Variants in GEM observed in about 807,000 individuals in gnomAD.
GEM encodes GTP binding protein overexpressed in skeletal muscle, also known as GTP-binding protein GEM.
Under a neutral mutation model 33.0 loss-of-function variants are expected in GEM, and 31 were observed. That is an observed-to-expected ratio of 0.94 (90% CI 0.71 to 1.27). The LOEUF (loss-of-function observed/expected upper bound fraction) is 1.27. Ranked by LOEUF, GEM falls within the 50% of genes most tolerant of loss-of-function variation. The probability of loss-of-function intolerance (pLI) is 0.00; values close to 1 mark genes in which losing one functional copy is unlikely to be tolerated. For missense variants in GEM, 354 were observed against 390.5 expected (o/e 0.91, Z 0.79); for synonymous variants, 141 against 143.7 (o/e 0.98, Z 0.13).
chr8:94,260,969 A>G (rs1809009567), intron 1 of GEM, among the ~76,000 whole-genome samples: 1 of 152,184 alleles, frequency 6.6e-6, no homozygotes. Flanking sequence ...TAATTGCACC[A>G]GTGTCCAGCA....
chr8:94,255,998 G>A (rs116709586), intron 2 of GEM, among the ~76,000 whole-genome samples: 382 of 152,158 alleles, frequency 2.5e-3, no homozygotes, highest in African/African-American at 8.5e-3. Flanking sequence ...TTCTCTACCC[G>A]GCCTCTCCCT....
At chr8:94,250,721 G>C in intron 4 of GEM, 134 bp from the exon 5 acceptor site, 1 of 616,406 alleles carries the variant, frequency 1.6e-6, no homozygotes, top group Non-Finnish European at 2.7e-6. Context: ...GCTGCGGCAT[G>C]GGCCCTCCCA....
intron 1 of GEM, among the ~76,000 whole-genome samples, chr8:94,261,796 A>G (rs1321948883): frequency 6.6e-6 from 1 of 152,076 alleles, no homozygotes; most frequent in East Asian, 1.9e-4. Flanking sequence ...GATAAAGTAT[A>G]AGTACTTACG....
rs746095122 is a variant in GEM, at chr8:94,250,486, C to T, written c.715G>A (p.Val239Met). 2 of 1,614,240 alleles carry T rather than the reference C, an allele frequency of 1.2e-6. No individual in the cohort carries two copies. The highest frequency in any genetic ancestry group is 1.7e-6 in the Non-Finnish European group (2 of 1,180,030). ...KELFEGIVRQ[V>M]RLRRDSKEKN... ...TCCTTGCTGTCCCGCCGAAGGCGCA[C>T]CTGTCGCACAATGCCCTCAAACAGC... is the stretch of plus-strand genomic sequence containing the variant. The change falls in exon 5 of 5, where the codon GTG (valine) becomes ATG (methionine). Residue 239 changes from valine to methionine, a missense_variant. Physicochemically the swap from Val to Met is conservative, Grantham distance 21 (BLOSUM62 1). Coordinates refer to ENST00000297596, the MANE Select transcript of GEM (RefSeq NM_005261.4).
chr8:94,260,712 G>A (rs1233639622), intron 1 of GEM, 200 bp from the exon 2 acceptor site: 1 of 529,178 alleles, frequency 1.9e-6, no homozygotes, highest in East Asian at 2.9e-5. Flanking sequence ...TGCCCACACT[G>A]TCAGTAACCA....
intron 2 of GEM, among the ~76,000 whole-genome samples, chr8:94,258,795 C>A (rs1181216741): frequency 1.3e-5 from 2 of 152,148 alleles, no homozygotes; most frequent in African/African-American, 4.8e-5. Flanking sequence ...ATGATAAAAT[C>A]CCAAATTCTA....
At chr8:94,251,148 C>A (rs1236238730) in intron 4 of GEM, among the ~76,000 whole-genome samples, 1 of 152,078 alleles carries the variant, frequency 6.6e-6, no homozygotes, top group Non-Finnish European at 1.5e-5. Context: ...GCTTTCCTCT[C>A]TTTTAAAATA....
Position 94,249,955 on chromosome 8 carries a change from T to C in GEM, c.*355A>G. 5.0e-6 allele frequency: 1 copy of C among 198,334 alleles called. No homozygotes were observed. The highest frequency in any genetic ancestry group is 1.0e-5 in the Non-Finnish European group (1 of 99,276). The allele number at this position is 198,334 out of a possible 1,614,324, so 12.3% of individuals were successfully genotyped here. A position where few individuals can be genotyped will look rare whatever the true frequency, so the allele number is the denominator to read the frequency against. On this transcript the variant is annotated 3_prime_UTR_variant, in exon 5 of 5. Transcript: ENST00000297596. ...GACTCATTGGCCTCAAAGTCACATA[T>C]CAGAACACTGGGAAAAATTTTTAAT... is the stretch of plus-strand genomic sequence containing the variant.
At chr8:94,260,072 C>T (rs1017851780) in intron 2 of GEM, 101 bp downstream of exon 2, 5 of 757,320 alleles carry the variant, frequency 6.6e-6, no homozygotes, top group Non-Finnish European at 1.1e-5. Context: ...AAATGCCTAA[C>T]TTCAGCTCCC....
Position 94,260,510 on chromosome 8 carries a change from G to C in GEM, c.-7C>G. The C allele has an allele frequency of 6.4e-7, 1 of 1,573,858 alleles. No homozygotes were observed. Among genetic ancestry groups the C allele is most frequent in the Non-Finnish European group, 8.7e-7 (1 of 1,153,466 alleles). ...TGACATTATTCAGAGTCATCGTTGAGTCCTGGGGAGCAAAGCAGCCAAGAT... is the reference window on the plus strand; with the variant it reads ...TGACATTATTCAGAGTCATCGTTGACTCCTGGGGAGCAAAGCAGCCAAGAT... On this transcript the variant is annotated splice_region_variant and 5_prime_UTR_variant, in exon 2 of 5. Transcript: ENST00000297596.
chr8:94,258,104 A>G (rs539994197), intron 2 of GEM, among the ~76,000 whole-genome samples: 112 of 151,640 alleles, frequency 7.4e-4, no homozygotes, highest in Non-Finnish European at 1.3e-3. Flanking sequence ...CTCTCTCTCA[A>G]CAAAGAAGTT....
intron 1 of GEM, among the ~76,000 whole-genome samples, 200 bp downstream of exon 1, chr8:94,261,890 C>A (rs1197379720): frequency 6.6e-6 from 1 of 152,166 alleles, no homozygotes; most frequent in East Asian, 1.9e-4. Flanking sequence ...CTAACCAGGA[C>A]GACCAGCCGG....
At position 94,250,114 on chromosome 8, in the gene GEM, C is replaced by T; in HGVS notation, c.*196G>A. 1.7e-6 allele frequency: 1 copy of T among 576,846 alleles called. No homozygotes were observed. Among genetic ancestry groups the T allele is most frequent in the Non-Finnish European group, 3.0e-6 (1 of 328,734 alleles). The allele number at this position is 576,846 out of a possible 1,614,324, so 35.7% of individuals were successfully genotyped here. A position where few individuals can be genotyped will look rare whatever the true frequency, so the allele number is the denominator to read the frequency against. On this transcript the variant is annotated 3_prime_UTR_variant, in exon 5 of 5. Transcript: ENST00000297596. ...GTTCAAATAGCAAGGTCAGGCTTTT[C>T]CTGGAAATAAATACTGACTTTTTAC...
intron 1 of GEM, among the ~76,000 whole-genome samples, chr8:94,261,113 GCT>G: frequency 6.6e-6 from 1 of 152,044 alleles, no homozygotes; most frequent in African/African-American, 2.4e-5. Flanking sequence ...ATGCTCTCCA[GCT>G]GCCTGGAGAG....
rs767526831 is a variant in GEM at position 94,253,079 on chromosome 8, C to A, written c.365G>T (p.Gly122Val). The A allele has an allele frequency of 3.7e-6, 6 of 1,600,712 alleles. No individual in the cohort carries two copies. The highest frequency in any genetic ancestry group is 5.1e-6 in the Non-Finnish European group (6 of 1,168,052). Residue 122 changes from glycine (G) to valine (V), a missense_variant, in exon 3 of 5, where the codon GGG (glycine) becomes GTG (valine). Gly to Val is a moderately radical substitution (Grantham distance 109, BLOSUM62 -3). Coordinates refer to ENST00000297596, the MANE Select transcript of GEM (RefSeq NM_005261.4). The part of the protein sequence containing the change: ...DTYERTLMVD[G>V]ESATIILLDM... ...CAGGAGTATAATCGTTGCACTTTCC[C>A]CATCAACCATCAGGGTTCGTTCATA...
intron 2 of GEM, among the ~76,000 whole-genome samples, chr8:94,257,038 C>T (rs1808904997): frequency 6.6e-6 from 1 of 152,220 alleles, no homozygotes; most frequent in South Asian, 2.1e-4. Flanking sequence ...GACTTCCGTA[C>T]TTTGCTATAT....
At position 94,250,491 on chromosome 8, in the gene GEM, C is replaced by T. The variant is rs368821999; in HGVS notation, c.710G>A (p.Arg237Gln). The stretch of plus-strand genomic sequence containing the variant: ...GCTGTCCCGCCGAAGGCGCACCTGT[C>T]GCACAATGCCCTCAAACAGCTCCTT... ...NVKELFEGIV[R>Q]QVRLRRDSKE... Residue 237 changes from arginine (R) to glutamine (Q), a missense_variant, in exon 5 of 5, where the codon CGA (arginine) becomes CAA (glutamine). Transcript: ENST00000297596. 1.1e-5 allele frequency: 17 copies of T among 1,614,080 alleles called. No homozygotes were observed. Among genetic ancestry groups the T allele is most frequent in the South Asian group, 4.4e-5 (4 of 91,084 alleles).
chr8:94,251,257 C>T (rs1426166269), intron 4 of GEM, among the ~76,000 whole-genome samples: 1 of 152,170 alleles, frequency 6.6e-6, no homozygotes, highest in African/African-American at 2.4e-5. Flanking sequence ...CTGGGACAGT[C>T]TCAATTTCAA....
chr8:94,250,566 A>G lies in GEM; in HGVS notation c.635T>C (p.Val212Ala), dbSNP rs1167767811. 6.2e-7 allele frequency: 1 copy of G among 1,613,324 alleles called. No homozygotes were observed. The highest frequency in any genetic ancestry group is 8.5e-7 in the Non-Finnish European group (1 of 1,179,444). ...GGTCTCGATGAACTTGCAGTCAAAC[A>G]CCACTGCACAGGCTCTCCCTTCTGG... Reference protein sequence around the residue: ...SVSEGRACAVVFDCKFIETSA... With the variant: ...SVSEGRACAVAFDCKFIETSA... The change falls in exon 5 of 5, where the codon GTG becomes GCG. Residue 212 changes from valine to alanine, a missense_variant. Coordinates refer to ENST00000297596, the MANE Select transcript of GEM (RefSeq NM_005261.4).
Sources: gnomAD v4.1 joint callset for allele counts (sites outside exome capture counted in the v4.1 genomes callset) on GRCh38, gnomAD v4.1.1 for gene constraint, MANE v1.5 for transcripts, NCBI Gene and HGNC (gene_info 2026-07-23, HGNC 2026-07-21) for gene names.